SGCZ: variants seen among roughly 807,000 people sequenced by gnomAD.
SGCZ encodes the protein zeta-sarcoglycan.
In SGCZ, 40 loss-of-function variants were observed where a neutral mutation model predicts 41.3. The ratio of observed to expected loss-of-function variants is 0.97; its 90% CI spans 0.75 to 1.26. The LOEUF (loss-of-function observed/expected upper bound fraction) is 1.26, where lower values mean the gene tolerates loss of function less well. Among genes scored for constraint, SGCZ ranks in the 50% most tolerant of loss-of-function variants. SGCZ has a pLI of 0.00. For synonymous variants in SGCZ, 206 were observed against 137.5 expected, an observed-to-expected ratio of 1.50 and a Z score of -3.49; for missense variants, 552 against 369.8, an observed-to-expected ratio of 1.49 and a Z score of -4.04.
intron 1 of SGCZ, among the ~76,000 whole-genome samples, chr8:14,808,748 A>G (rs1441222174): frequency 6.6e-6 from 1 of 151,784 alleles, no homozygotes; most frequent in East Asian, 1.9e-4. Context: ...CCAAAGAACT[A>G]TAAATCATGC....
At chr8:15,179,007 C>G (rs555229744) in intron 1 of SGCZ, among the ~76,000 whole-genome samples, 4 of 152,248 alleles carry the variant, frequency 2.6e-5, no homozygotes, top group African/African-American at 7.2e-5. Context: ...AGACTTTCCT[C>G]AAGCTGTTAC....
In SGCZ at chr8:14,573,261, T is replaced by C. The variant is rs374304248; in HGVS notation, c.40-18335A>G. Among the ~76,000 whole-genome samples, 98 of 144,488 alleles carry C rather than the reference T, an allele frequency of 6.8e-4. 1 individual carries two copies. In the East Asian group the frequency reaches 0.019, roughly 28 times the overall value. 94.8% of individuals were successfully genotyped at this position (144,488 alleles called of 152,430 possible). A position where few individuals can be genotyped will look rare whatever the true frequency, so the allele number is the denominator to read the frequency against. On this transcript the variant is annotated intron_variant, in intron 1 of 7. Transcript: ENST00000382080. ...CGCCCAGGCTGGAGTGCAGTGGCGCTGTCTCGGCTCACTGCAAGCTCCGCC... is the reference window on the plus strand; with the variant it reads ...CGCCCAGGCTGGAGTGCAGTGGCGCCGTCTCGGCTCACTGCAAGCTCCGCC...
chr8:14,374,832 T>A (rs564519523), intron 2 of SGCZ, among the ~76,000 whole-genome samples: 12 of 152,154 alleles, frequency 7.9e-5, no homozygotes, highest in African/African-American at 2.9e-4. Flanking sequence ...CATTATGGAG[T>A]CCTGAGGGCT....
At chr8:15,109,638 G>A (rs1806970707) in intron 1 of SGCZ, among the ~76,000 whole-genome samples, 1 of 151,950 alleles carries the variant, frequency 6.6e-6, no homozygotes, top group Admixed American at 6.6e-5. Context: ...CTTGATTCAG[G>A]AAAACAGAAA....
At chr8:14,213,907 T>C (rs1489983637) in intron 4 of SGCZ, among the ~76,000 whole-genome samples, 2 of 152,152 alleles carry the variant, frequency 1.3e-5, no homozygotes, top group South Asian at 2.1e-4. Flanking sequence ...ATCATTTATG[T>C]AGCTACTTTA....
At chr8:14,801,108 G>A (rs866094902) in intron 1 of SGCZ, among the ~76,000 whole-genome samples, 5 of 152,288 alleles carry the variant, frequency 3.3e-5, no homozygotes, top group Non-Finnish European at 5.9e-5. Flanking sequence ...ATTCCTTCCA[G>A]CCAATCTACA....
intron 1 of SGCZ, among the ~76,000 whole-genome samples, chr8:14,610,690 T>C (rs1215761005): frequency 3.3e-5 from 5 of 152,126 alleles, no homozygotes; most frequent in Admixed American, 6.6e-5. Flanking sequence ...GCAGAAAATA[T>C]GTTTCATAAA....
At chr8:14,582,388 T>C (rs892682453) in intron 1 of SGCZ, among the ~76,000 whole-genome samples, 5 of 152,228 alleles carry the variant, frequency 3.3e-5, no homozygotes, top group Non-Finnish European at 7.4e-5. Flanking sequence ...GAAGTGTGTA[T>C]TTATGCATAT....
chr8:14,744,831 A>G (rs1331758464), intron 1 of SGCZ, among the ~76,000 whole-genome samples: 1 of 152,142 alleles, frequency 6.6e-6, no homozygotes, highest in Non-Finnish European at 1.5e-5. Context: ...AAAAGAGGCA[A>G]TACAAAGGTT....
intron 1 of SGCZ, among the ~76,000 whole-genome samples, chr8:14,835,980 C>T (rs1441397993): frequency 2.6e-5 from 4 of 152,078 alleles, no homozygotes; most frequent in Non-Finnish European, 5.9e-5. Context: ...GAGTAAGATG[C>T]CCAGCACGTG....
chr8:14,522,150 T>C (rs35598983), intron 2 of SGCZ, among the ~76,000 whole-genome samples: 2,896 of 152,218 alleles, frequency 0.019, 67 homozygotes, highest in Admixed American at 0.05. Context: ...TTTTAAATTT[T>C]GCTGAATTCT....
intron 1 of SGCZ, among the ~76,000 whole-genome samples, chr8:15,133,080 T>C (rs1355755013): frequency 6.6e-6 from 1 of 151,828 alleles, no homozygotes; most frequent in Non-Finnish European, 1.5e-5. Context: ...GAGGTGGAGG[T>C]TGCAGTGAGT....
At chr8:15,019,306 T>C (rs1803162544) in intron 1 of SGCZ, among the ~76,000 whole-genome samples, 1 of 152,138 alleles carries the variant, frequency 6.6e-6, no homozygotes. Flanking sequence ...GAATATGTCT[T>C]GAAGACACTT....
At chr8:14,384,794 G>A (rs776511567) in intron 2 of SGCZ, among the ~76,000 whole-genome samples, 10 of 152,104 alleles carry the variant, frequency 6.6e-5, no homozygotes, top group Non-Finnish European at 1.2e-4. Context: ...CAAGTGATCC[G>A]CCCGCCTTGG....
chr8:14,485,996 C>T (rs545211027), intron 2 of SGCZ, among the ~76,000 whole-genome samples: 79 of 152,018 alleles, frequency 5.2e-4, no homozygotes, highest in Non-Finnish European at 9.6e-4. Flanking sequence ...CGTCCGCCAC[C>T]GCGCCCGGCT....
At chr8:14,708,901 G>A (rs7009889) in intron 1 of SGCZ, among the ~76,000 whole-genome samples, 6,220 of 150,364 alleles carry the variant, frequency 0.041, 406 homozygotes, top group African/African-American at 0.14. Flanking sequence ...TTGCTACTTG[G>A]GACCTTAAAA....
At chr8:14,973,700 T>G (rs1240753089) in intron 1 of SGCZ, among the ~76,000 whole-genome samples, 1 of 152,190 alleles carries the variant, frequency 6.6e-6, no homozygotes, top group Non-Finnish European at 1.5e-5. Context: ...TACTATAACT[T>G]CTTACGACCT....
intron 1 of SGCZ, among the ~76,000 whole-genome samples, chr8:15,164,678 G>A (rs1405662237): frequency 6.8e-6 from 1 of 147,030 alleles, no homozygotes; most frequent in East Asian, 2.0e-4. Flanking sequence ...ACTAGGCCAG[G>A]CTCCCCAACT....
At chr8:14,931,647 G>T (rs1230305066) in intron 1 of SGCZ, among the ~76,000 whole-genome samples, 2 of 151,968 alleles carry the variant, frequency 1.3e-5, no homozygotes, top group African/African-American at 2.4e-5. Flanking sequence ...ATACTGAAAA[G>T]ATTGAATAAA....
Sources: gnomAD v4.1 joint callset for allele counts (sites outside exome capture counted in the v4.1 genomes callset) on GRCh38, gnomAD v4.1.1 for gene constraint, MANE v1.5 for transcripts, NCBI Gene and HGNC (gene_info 2026-07-23, HGNC 2026-07-21) for gene names.